The following BMP6 variants were observed in gnomAD, a reference collection of about 807,000 sequenced individuals.
BMP6 encodes the protein VG-1-R.
BMP6 carries 17 observed loss-of-function variants against 54.1 expected under a neutral mutation model. That is an observed-to-expected ratio of 0.31 (90% CI 0.22 to 0.47). The LOEUF (loss-of-function observed/expected upper bound fraction) is 0.47. Ranked by LOEUF, BMP6 falls within the 20% of genes least tolerant of loss-of-function variation. The pLI is 1.00. For synonymous variants in BMP6, 328 were observed against 291.2 expected (o/e 1.13, Z -1.28); for missense variants, 720 against 690.4 (o/e 1.04, Z -0.48).
rs544939372 is a variant in BMP6, at chr6:7,761,581, C to G, written c.664+33962C>G. ...ATGGAAGGATGGAATGGCCGGAACA[C>G]AAGACGCAGACATGGCCACTGACAC... is the stretch of plus-strand genomic sequence containing the variant. On this transcript the variant is annotated intron_variant, in intron 1 of 6. Transcript: ENST00000283147. Among the ~76,000 whole-genome samples, 5 of 152,330 alleles carry G rather than the reference C, an allele frequency of 3.3e-5. No individual in the cohort carries two copies. In the South Asian group the frequency reaches 8.3e-4, roughly 25 times the overall value.
intron 1 of BMP6, among the ~76,000 whole-genome samples, chr6:7,795,282 A>G (rs1472103303): frequency 6.6e-6 from 1 of 152,204 alleles, no homozygotes; most frequent in Non-Finnish European, 1.5e-5. Context: ...ACCACAAGGA[A>G]GGACCCTGGC....
chr6:7,771,392 A>T (rs865895529), intron 1 of BMP6, among the ~76,000 whole-genome samples: 1 of 152,136 alleles, frequency 6.6e-6, no homozygotes, highest in Non-Finnish European at 1.5e-5. Flanking sequence ...GTTGTTCTGC[A>T]CTGAGTTGAC....
chr6:7,779,497 C>T (rs753609852), intron 1 of BMP6, among the ~76,000 whole-genome samples: 3 of 151,986 alleles, frequency 2.0e-5, no homozygotes, highest in African/African-American at 4.8e-5. Context: ...CACCACCACG[C>T]CCAGGCTAAT....
chr6:7,793,729 C>T (rs1189343591), intron 1 of BMP6, among the ~76,000 whole-genome samples: 1 of 152,156 alleles, frequency 6.6e-6, no homozygotes, highest in Non-Finnish European at 1.5e-5. Context: ...CTTATTAGTC[C>T]TCCTCCATGG....
intron 1 of BMP6, among the ~76,000 whole-genome samples, chr6:7,819,207 G>A (rs1758572152): frequency 6.6e-6 from 1 of 152,188 alleles, no homozygotes; most frequent in South Asian, 2.1e-4. Context: ...TTGAAGAGAT[G>A]TTCTGTGACA....
intron 1 of BMP6, among the ~76,000 whole-genome samples, chr6:7,821,985 C>A (rs1158512016): frequency 6.6e-6 from 1 of 151,734 alleles, no homozygotes; most frequent in Admixed American, 6.6e-5. Context: ...CCCAGTGAAA[C>A]CATCAACTGA....
At chr6:7,870,563 G>A (rs1164759986) in intron 4 of BMP6, among the ~76,000 whole-genome samples, 1 of 152,152 alleles carries the variant, frequency 6.6e-6, no homozygotes, top group Non-Finnish European at 1.5e-5. Flanking sequence ...AGATCATGGA[G>A]AGTCTTGCTG....
At chr6:7,753,256 C>T (rs939898072) in intron 1 of BMP6, among the ~76,000 whole-genome samples, 2 of 152,308 alleles carry the variant, frequency 1.3e-5, no homozygotes, top group South Asian at 2.1e-4. Flanking sequence ...CTGACCTTTG[C>T]TCAGCACTTT....
intron 1 of BMP6, among the ~76,000 whole-genome samples, chr6:7,782,980 C>G (rs1757969793): frequency 6.6e-6 from 1 of 152,058 alleles, no homozygotes; most frequent in Non-Finnish European, 1.5e-5. Context: ...GGTCACTGAT[C>G]ATTGAGATCC....
chr6:7,872,177 A>G (rs1315485564), intron 4 of BMP6, among the ~76,000 whole-genome samples: 1 of 152,040 alleles, frequency 6.6e-6, no homozygotes, highest in East Asian at 1.9e-4. Flanking sequence ...TTCCTGTTGA[A>G]TTGTCACCAC....
chr6:7,784,796 A>G (rs270381), intron 1 of BMP6, among the ~76,000 whole-genome samples: 152,036 of 152,328 alleles, frequency 1, 75,873 homozygotes, highest in Middle Eastern at 1. Context: ...GCAGCTGAGG[A>G]AAGGAGGGAC....
intron 1 of BMP6, among the ~76,000 whole-genome samples, chr6:7,774,521 C>T (rs982563936): frequency 6.6e-6 from 1 of 152,234 alleles, no homozygotes; most frequent in African/African-American, 2.4e-5. Context: ...CACTGCACTC[C>T]AGCCTGGGCG....
chr6:7,783,702 T>TA (rs1757981794), intron 1 of BMP6, among the ~76,000 whole-genome samples: 1 of 152,254 alleles, frequency 6.6e-6, no homozygotes, highest in Non-Finnish European at 1.5e-5. Flanking sequence ...ATTATGTACA[T>TA]ATTGTTTTCT....
chr6:7,739,562 TAGTA>T lies in BMP6; in HGVS notation c.664+11946_664+11949del, dbSNP rs1306412715. On this transcript the variant is annotated intron_variant, in intron 1 of 6. Transcript: ENST00000283147. The stretch of plus-strand genomic sequence containing the variant: ...TACTTTTACAGTAAGAACTAGTAGA[TAGTA>T]AGATAGGGGAGAATTTGGAGGTTTT... Among the ~76,000 whole-genome samples, 13 of 152,274 alleles carry T rather than the reference TAGTA, an allele frequency of 8.5e-5. No individual in the cohort carries two copies. In the South Asian group the frequency reaches 2.3e-3, roughly 27 times the overall value.
chr6:7,814,163 G>C (rs1367025779), intron 1 of BMP6, among the ~76,000 whole-genome samples: 1 of 152,178 alleles, frequency 6.6e-6, no homozygotes, highest in East Asian at 1.9e-4. Flanking sequence ...AGAAAACTAT[G>C]TGCTTTTAAA....
intron 1 of BMP6, among the ~76,000 whole-genome samples, chr6:7,788,479 G>A (rs1412230047): frequency 1.3e-5 from 2 of 152,094 alleles, no homozygotes; most frequent in Admixed American, 1.3e-4. Flanking sequence ...GCTCAACAAC[G>A]GGGGACCCCT....
chr6:7,760,458 CTTAT>C (rs572976988), intron 1 of BMP6, among the ~76,000 whole-genome samples: 2 of 151,702 alleles, frequency 1.3e-5, no homozygotes, highest in Admixed American at 6.6e-5. Flanking sequence ...CATAGTTTTA[CTTAT>C]TTATTTATTT....
At chr6:7,781,227 G>A (rs186554193) in intron 1 of BMP6, among the ~76,000 whole-genome samples, 4 of 152,192 alleles carry the variant, frequency 2.6e-5, no homozygotes, top group Admixed American at 1.3e-4. Context: ...AAGTAGTATC[G>A]TTACTTTTAT....
chr6:7,768,343 C>T (rs371308744), intron 1 of BMP6, among the ~76,000 whole-genome samples: 21 of 152,276 alleles, frequency 1.4e-4, no homozygotes, highest in African/African-American at 4.6e-4. Flanking sequence ...TCAGTCTTGT[C>T]CACGCTGAGC....
Sources: gnomAD v4.1 joint callset for allele counts (sites outside exome capture counted in the v4.1 genomes callset) on GRCh38, gnomAD v4.1.1 for gene constraint, MANE v1.5 for transcripts, NCBI Gene and HGNC (gene_info 2026-07-23, HGNC 2026-07-21) for gene names.